The following ZFYVE28 variants were observed in gnomAD, a reference collection of about 807,000 sequenced individuals.
ZFYVE28 encodes zinc finger FYVE-type containing 28.
In ZFYVE28, 40 loss-of-function variants were observed where a neutral mutation model predicts 82.1. The observed-to-expected ratio is 0.49, with a 90% CI of 0.38 to 0.63. The LOEUF (loss-of-function observed/expected upper bound fraction) is 0.63, where lower values mean the gene tolerates loss of function less well. Among genes scored for constraint, ZFYVE28 ranks in the 30% least tolerant of loss-of-function variants. ZFYVE28 has a pLI of 0.00. For missense variants in ZFYVE28, 1,321 were observed against 1,242.1 expected (o/e 1.06, Z -0.96); for synonymous variants, 612 against 546.1 (o/e 1.12, Z -1.68).
intron 2 of ZFYVE28, among the ~76,000 whole-genome samples, chr4:2,345,305 T>C (rs1446646684): frequency 6.6e-6 from 1 of 152,162 alleles, no homozygotes; most frequent in Non-Finnish European, 1.5e-5. Context: ...TTGACAAAGA[T>C]GATCAGGGAC....
rs1399809870 is a variant in ZFYVE28, at chr4:2,304,815, CT to C, written c.1524del (p.Gly510AlafsTer2). 2 of 1,612,618 alleles carry C rather than the reference CT, an allele frequency of 1.2e-6. No individual in the cohort carries two copies. The highest frequency in any genetic ancestry group is 1.7e-5 in the Admixed American group (1 of 60,010). ...AETAEMIAHR[T>X]GGMKLSATVI... is the part of the protein sequence containing the mutation. ...ACCGTGGCTGAGAGCTTCATGCCCC[CT>C]GTCCGGTGGGCGATCATCTCAGCCG... On this transcript the variant is annotated frameshift_variant, in exon 8 of 13. Coordinates refer to ENST00000290974, the MANE Select transcript of ZFYVE28 (RefSeq NM_020972.3). LOFTEE classifies it high-confidence loss of function.
rs538307809 is a variant in ZFYVE28, at chr4:2,329,381, A to G, written c.701+6324T>C. 5.9e-5 allele frequency among the ~76,000 whole-genome samples: 9 copies of G among 152,302 alleles called. No homozygotes were observed. The South Asian group carries it at 1.9e-3, about 32-fold the overall frequency. On this transcript the variant is annotated intron_variant, in intron 6 of 12. Coordinates refer to ENST00000290974, the MANE Select transcript of ZFYVE28 (RefSeq NM_020972.3). The stretch of plus-strand genomic sequence containing the variant: ...ATTTTACTCTTTTGAATGTTATCAC[A>G]CATTTCTTATTTAAAATAACAGCTA...
In ZFYVE28 at chr4:2,341,414, C is replaced by T. The variant is rs975401138; in HGVS notation, c.318+64G>A. On this transcript the variant is annotated intron_variant, in intron 3 of 12. Transcript: ENST00000290974. The surrounding 1 kb of genome is among the most constrained non-coding windows in gnomAD (Gnocchi z 4.5). ...CCTGCAGGCGCCCATGCACAAGGTT[C>T]GCAGGGACTTGGCTAGACGCCACCC... 1.1e-4 allele frequency: 169 copies of T among 1,592,344 alleles called. No homozygotes were observed. The Middle Eastern group carries it at 1.1e-3, about 11-fold the overall frequency.
chr4:2,334,784 T>A (rs1460262157), intron 6 of ZFYVE28, among the ~76,000 whole-genome samples: 1 of 3,232 alleles, frequency 3.1e-4, no homozygotes, highest in Non-Finnish European at 7.0e-4. Context: ...CCGCCTCCCC[T>A]CTTCCCCCTC....
At chr4:2,365,040 G>A (rs1034281342) in intron 1 of ZFYVE28, among the ~76,000 whole-genome samples, 1 of 152,056 alleles carries the variant, frequency 6.6e-6, no homozygotes, top group African/African-American at 2.4e-5. Context: ...GAGGGAGGTG[G>A]AGGGGGGCGG....
At chr4:2,356,441 C>A (rs772796541) in intron 1 of ZFYVE28, among the ~76,000 whole-genome samples, 6 of 33,090 alleles carry the variant, frequency 1.8e-4, no homozygotes, top group African/African-American at 3.9e-4. Flanking sequence ...CCTCCCCGGC[C>A]GTTGATGTGC....
Position 2,409,361 on chromosome 4 carries a change from G to A in ZFYVE28, c.39+8924C>T, listed in dbSNP as rs1187736550. Reference sequence around the variant, plus strand: ...TCCAATCTCGTCTCTCCCACAGCAGGCCTGGAAGGACCCCGCAAACAGCAG... The same window carrying A: ...TCCAATCTCGTCTCTCCCACAGCAGACCTGGAAGGACCCCGCAAACAGCAG... On this transcript the variant is annotated intron_variant, in intron 1 of 12. Coordinates refer to ENST00000290974, the MANE Select transcript of ZFYVE28 (RefSeq NM_020972.3). This position sits in a 1 kb window ranked among gnomAD's most constrained non-coding sequence, Gnocchi z 4.4. 6.6e-6 allele frequency among the ~76,000 whole-genome samples: 1 copy of A among 151,944 alleles called. No homozygotes were observed. The highest frequency in any genetic ancestry group is 1.5e-5 in the Non-Finnish European group (1 of 67,966).
rs1578447479 is a variant in ZFYVE28 at position 2,417,183 on chromosome 4, C to T, written c.39+1102G>A. On this transcript the variant is annotated intron_variant, in intron 1 of 12. Coordinates refer to ENST00000290974, the MANE Select transcript of ZFYVE28 (RefSeq NM_020972.3). This position sits in a 1 kb window ranked among gnomAD's most constrained non-coding sequence, Gnocchi z 4.8. ...ACGAAGCGCTGGCCCCACTCCCGCCCTTGGTCGCCGCGGTGACCCCACCCG... is the reference window on the plus strand; with the variant it reads ...ACGAAGCGCTGGCCCCACTCCCGCCTTTGGTCGCCGCGGTGACCCCACCCG... Among the ~76,000 whole-genome samples the T allele has an allele frequency of 6.6e-6, 1 of 152,276 alleles. No homozygotes were observed. The highest frequency in any genetic ancestry group is 1.9e-4 in the East Asian group (1 of 5,168).
intron 7 of ZFYVE28, among the ~76,000 whole-genome samples, chr4:2,313,899 C>T (rs1717850027): frequency 6.7e-6 from 1 of 149,494 alleles, no homozygotes; most frequent in African/African-American, 2.5e-5. Context: ...TTGGATGTAA[C>T]TTACACATGT....
At chr4:2,334,180 A>C (rs1721191605) in intron 6 of ZFYVE28, among the ~76,000 whole-genome samples, 1 of 152,112 alleles carries the variant, frequency 6.6e-6, no homozygotes, top group Non-Finnish European at 1.5e-5. Context: ...CACGGGAAGG[A>C]CGGCGCAGGA....
At position 2,270,270 on chromosome 4, in the gene ZFYVE28, G is replaced by C. The variant is rs545858061; in HGVS notation, c.*455C>G. On this transcript the variant is annotated 3_prime_UTR_variant, in exon 13 of 13. Coordinates refer to ENST00000290974, the MANE Select transcript of ZFYVE28 (RefSeq NM_020972.3). ...AATGGGTAGCCTGCATTTGACGTTT[G>C]GGAGGCACATAGGGAGCCCTGCTGT... 1.9e-4 allele frequency: 33 copies of C among 175,210 alleles called. No homozygotes were observed. In the East Asian group the frequency reaches 3.9e-3, roughly 21 times the overall value. The allele number at this position is 175,210 out of a possible 1,614,324, so 10.9% of individuals were successfully genotyped here.
chr4:2,366,663 T>G (rs1726924441), intron 1 of ZFYVE28, among the ~76,000 whole-genome samples: 1 of 152,216 alleles, frequency 6.6e-6, no homozygotes, highest in Admixed American at 6.5e-5. Flanking sequence ...TAGAGGCCTC[T>G]GCCCCTTGGG....
Position 2,341,507 on chromosome 4 carries a change from G to C in ZFYVE28, c.289C>G (p.Leu97Val). 1 of 1,613,834 alleles carries C rather than the reference G, an allele frequency of 6.2e-7. No homozygotes were observed. Among genetic ancestry groups the C allele is most frequent in the Non-Finnish European group, 8.5e-7 (1 of 1,180,002 alleles). The change falls in exon 3 of 13, where the codon CTG becomes GTG. Residue 97 changes from leucine to valine, a missense_variant. Leu to Val is a conservative substitution (Grantham distance 32). Transcript: ENST00000290974. The surrounding 1 kb of genome is among the most constrained non-coding windows in gnomAD (Gnocchi z 4.5). ...GCACCGAACCACAGCTGGCCGGCCAGGTTGTCGTGCCGGATCTCCTCAGGG... is the reference window on the plus strand; with the variant it reads ...GCACCGAACCACAGCTGGCCGGCCACGTTGTCGTGCCGGATCTCCTCAGGG... ...KFPEEIRHDNLAGQLWFGAEC... is the reference protein window; with the variant it reads ...KFPEEIRHDNVAGQLWFGAEC...
At chr4:2,377,190 T>G (rs1728245143) in intron 1 of ZFYVE28, among the ~76,000 whole-genome samples, 1 of 148,164 alleles carries the variant, frequency 6.7e-6, no homozygotes, top group Non-Finnish European at 1.5e-5. Flanking sequence ...CCCAGCTAAT[T>G]TTTTGTATTT....
intron 8 of ZFYVE28, among the ~76,000 whole-genome samples, chr4:2,298,540 G>T (rs1715007034): frequency 1.3e-5 from 2 of 152,180 alleles, no homozygotes; most frequent in Non-Finnish European, 2.9e-5. Context: ...ACACAGGCGG[G>T]GCATGTGCCA....
At chr4:2,389,232 A>C (rs994115367) in intron 1 of ZFYVE28, among the ~76,000 whole-genome samples, 2 of 152,106 alleles carry the variant, frequency 1.3e-5, no homozygotes, top group African/African-American at 4.8e-5. Flanking sequence ...TCCTGCCCAC[A>C]CAGCCAGGAG....
At chr4:2,345,583 G>A (rs1032498887) in intron 2 of ZFYVE28, among the ~76,000 whole-genome samples, 1 of 151,830 alleles carries the variant, frequency 6.6e-6, no homozygotes, top group Non-Finnish European at 1.5e-5. Flanking sequence ...AAATATGGAT[G>A]TAATTCAAGT....
Position 2,355,256 on chromosome 4 carries a change from ATATATATATATATAT to A in ZFYVE28, c.40-1198_40-1184del, listed in dbSNP as rs1433578719. Among the ~76,000 whole-genome samples, 57 of 15,932 alleles carry A rather than the reference ATATATATATATATAT, an allele frequency of 3.6e-3. 9 individuals carry two copies. The highest frequency in any genetic ancestry group is 0.016 in the African/African-American group (39 of 2,424). 10.5% of individuals were successfully genotyped at this position (15,932 alleles called of 152,430 possible). A position where few individuals can be genotyped will look rare whatever the true frequency, so the allele number is the denominator to read the frequency against. On this transcript the variant is annotated intron_variant, in intron 1 of 12. Coordinates refer to ENST00000290974, the MANE Select transcript of ZFYVE28 (RefSeq NM_020972.3). The stretch of plus-strand genomic sequence containing the variant: ...TATATATATATATATATATATATAT[ATATATATATATATAT>A]AATGATTCTTCTTTTTTTTTTTTTT...
At chr4:2,405,252 G>A (rs549390446) in intron 1 of ZFYVE28, among the ~76,000 whole-genome samples, 22 of 152,300 alleles carry the variant, frequency 1.4e-4, no homozygotes, top group East Asian at 1.2e-3. Context: ...GCGGCACCGC[G>A]AAGGGAAGAT....
Sources: gnomAD v4.1 joint callset for allele counts (sites outside exome capture counted in the v4.1 genomes callset) on GRCh38, gnomAD v4.1.1 for gene constraint, Gnocchi (gnomAD v3.1) non-coding constraint, MANE v1.5 for transcripts, NCBI Gene and HGNC (gene_info 2026-07-23, HGNC 2026-07-21) for gene names.